NFIX: variants seen among roughly 807,000 people sequenced by gnomAD.
NFIX encodes the protein nuclear factor 1 X-type.
Under a neutral mutation model 53.3 loss-of-function variants are expected in NFIX, and 2 were observed. That is an observed-to-expected ratio of 0.04 (90% CI 0.02 to 0.12). NFIX has a LOEUF of 0.12. Among genes scored for constraint, NFIX ranks in the 10% least tolerant of loss-of-function variants. NFIX has a pLI of 1.00. For synonymous variants in NFIX, 244 were observed against 289.0 expected (o/e 0.84, Z 1.58); for missense variants, 310 against 674.5 (o/e 0.46, Z 5.99).
chr19:13,030,050 C>T (rs529162151), intron 2 of NFIX, among the ~76,000 whole-genome samples: 6 of 152,298 alleles, frequency 3.9e-5, no homozygotes, highest in African/African-American at 1.4e-4. Flanking sequence ...CCAGGTCCAC[C>T]CCCACCATGG....
At chr19:13,032,874 C>T (rs115116299) in intron 2 of NFIX, among the ~76,000 whole-genome samples, 4,256 of 152,212 alleles carry the variant, frequency 0.028, 70 homozygotes, top group Middle Eastern at 0.082. Flanking sequence ...CATGTGGGCA[C>T]GTCCCTATAT....
rs2012477212 is a variant in NFIX, at chr19:13,013,319, G to A, written c.28-11702G>A. Among the ~76,000 whole-genome samples the A allele has an allele frequency of 6.6e-6, 1 of 152,164 alleles. No homozygotes were observed. The highest frequency in any genetic ancestry group is 2.1e-4 in the South Asian group (1 of 4,818). ...CTGGCGTCGGGCTGAAGTCCCCCGA[G>A]CCACCCCTGGAGCCAGAGCAGCCCC... On this transcript the variant is annotated intron_variant, in intron 1 of 10. Transcript: ENST00000592199. The surrounding 1 kb of genome is among the most constrained non-coding windows in gnomAD (Gnocchi z 5.9).
intron 10 of NFIX, among the ~76,000 whole-genome samples, chr19:13,092,236 A>G (rs1355502293): frequency 6.6e-6 from 1 of 152,178 alleles, no homozygotes; most frequent in Non-Finnish European, 1.5e-5. Context: ...GAATTTTAGC[A>G]ATTTTGTCAT....
chr19:13,057,734 T>C (rs1568300857), intron 2 of NFIX, among the ~76,000 whole-genome samples: 2 of 152,116 alleles, frequency 1.3e-5, no homozygotes. Flanking sequence ...TGAGGTCTGG[T>C]TGTGGTGGGC....
rs2018389800 is a variant in NFIX, at chr19:13,095,483, C to T, written c.*834C>T. The T allele has an allele frequency of 6.6e-6, 1 of 152,470 alleles. No homozygotes were observed. Among genetic ancestry groups the T allele is most frequent in the East Asian group, 1.9e-4 (1 of 5,182 alleles). The allele number at this position is 152,470 out of a possible 1,614,324, so 9.4% of individuals were successfully genotyped here. A position where few individuals can be genotyped will look rare whatever the true frequency, so the allele number is the denominator to read the frequency against. ...CCAGCCTGGGACAGGCCCCCTTTCC[C>T]CTCTCTCTGCAGGCCAGGAGGGCCT... On this transcript the variant is annotated 3_prime_UTR_variant, in exon 11 of 11. Coordinates refer to ENST00000592199, the MANE Select transcript of NFIX (RefSeq NM_001365902.3).
intron 2 of NFIX, among the ~76,000 whole-genome samples, chr19:13,058,721 A>G (rs2015869291): frequency 6.6e-6 from 1 of 152,164 alleles, no homozygotes; most frequent in East Asian, 1.9e-4. Context: ...CAGAAAAGAA[A>G]AAAAGCTCAG....
At chr19:13,026,554 T>C (rs2013368203) in intron 2 of NFIX, among the ~76,000 whole-genome samples, 1 of 152,214 alleles carries the variant, frequency 6.6e-6, no homozygotes, top group Non-Finnish European at 1.5e-5. Flanking sequence ...CCGCTTTTGT[T>C]TTCTTACAAA....
rs930957430 is a variant in NFIX at position 13,006,801 on chromosome 19, C to T, written c.27+10937C>T. 3.3e-5 allele frequency among the ~76,000 whole-genome samples: 5 copies of T among 152,216 alleles called. No homozygotes were observed. Among genetic ancestry groups the T allele is most frequent in the South Asian group, 2.1e-4 (1 of 4,836 alleles). On this transcript the variant is annotated intron_variant, in intron 1 of 10. Coordinates refer to ENST00000592199, the MANE Select transcript of NFIX (RefSeq NM_001365902.3). This position sits in a 1 kb window ranked among gnomAD's most constrained non-coding sequence, Gnocchi z 5.6. ...TTGAGAGCTCTGGGCTGGGGCCCGG[C>T]GGGGTCGGCACTGCAGGCTGGCAAC...
In NFIX at chr19:12,996,782, C is replaced by G. The variant is rs73507327; in HGVS notation, c.27+918C>G. On this transcript the variant is annotated intron_variant, in intron 1 of 10. Transcript: ENST00000592199. This position sits in a 1 kb window ranked among gnomAD's most constrained non-coding sequence, Gnocchi z 5.2. ...CGGGTCAGCCTCGGGCACAACAGCG[C>G]CGACCTTGGCGCGTTGCTAGAGCGC... Among the ~76,000 whole-genome samples the G allele has an allele frequency of 0.01, 1,559 of 152,380 alleles. 21 individuals carry two copies. The highest frequency in any genetic ancestry group is 0.035 in the African/African-American group (1,474 of 41,590).
rs1172661911 is a variant in NFIX, at chr19:13,040,594, T to C, written c.559+15042T>C. ...CTTGTATGGACAGACTCATGGCTGC[T>C]ATTCCTGCCCTCCATCTCCTGGAGA... On this transcript the variant is annotated intron_variant, in intron 2 of 10. Coordinates refer to ENST00000592199, the MANE Select transcript of NFIX (RefSeq NM_001365902.3). This position sits in a 1 kb window ranked among gnomAD's most constrained non-coding sequence, Gnocchi z 4.2. Among the ~76,000 whole-genome samples, 1 of 152,190 alleles carries C rather than the reference T, an allele frequency of 6.6e-6. No individual in the cohort carries two copies. The highest frequency in any genetic ancestry group is 2.4e-5 in the African/African-American group (1 of 41,454).
At chr19:13,008,655 G>C (rs2012157451) in intron 1 of NFIX, among the ~76,000 whole-genome samples, 1 of 152,128 alleles carries the variant, frequency 6.6e-6, no homozygotes. Context: ...TGGAGCTCAG[G>C]GAAAACGTGG....
chr19:13,098,433 CA>C lies in NFIX; in HGVS notation c.*3785del, dbSNP rs1164895610. On this transcript the variant is annotated 3_prime_UTR_variant, in exon 11 of 11. Transcript: ENST00000592199. ...AAGTTTCTTCTTAGGCTAAGAAACG[CA>C]GTATATACGAGTATCTCTATATATA... is the stretch of plus-strand genomic sequence containing the variant. 6.6e-6 allele frequency: 1 copy of C among 152,204 alleles called. No homozygotes were observed. The highest frequency in any genetic ancestry group is 1.5e-5 in the Non-Finnish European group (1 of 68,052). The allele number at this position is 152,204 out of a possible 1,614,324, so 9.4% of individuals were successfully genotyped here. A position where few individuals can be genotyped will look rare whatever the true frequency, so the allele number is the denominator to read the frequency against.
chr19:13,054,056 C>T (rs1379990929), intron 2 of NFIX, among the ~76,000 whole-genome samples: 1 of 152,228 alleles, frequency 6.6e-6, no homozygotes, highest in African/African-American at 2.4e-5. Flanking sequence ...AGCTCCTCCC[C>T]CACCCAGCCT....
At chr19:13,023,564 G>A (rs2013084969) in intron 1 of NFIX, among the ~76,000 whole-genome samples, 1 of 151,630 alleles carries the variant, frequency 6.6e-6, no homozygotes, top group Non-Finnish European at 1.5e-5. Flanking sequence ...GGTGGGGTGG[G>A]GTGCGTTGTT....
chr19:13,087,097 A>G (rs1050457848), intron 8 of NFIX, among the ~76,000 whole-genome samples: 6 of 152,174 alleles, frequency 3.9e-5, no homozygotes, highest in African/African-American at 1.4e-4. Flanking sequence ...TGTGTGCCCA[A>G]ACCTCCAGGG....
At chr19:12,999,958 G>A (rs1405446219) in intron 1 of NFIX, among the ~76,000 whole-genome samples, 1 of 152,214 alleles carries the variant, frequency 6.6e-6, no homozygotes, top group African/African-American at 2.4e-5. Context: ...GGATGGGGTA[G>A]CTCATGAGAT....
rs1234789323 is a variant in NFIX, at chr19:13,001,640, CA to C, written c.27+5778del. Among the ~76,000 whole-genome samples the C allele has an allele frequency of 6.6e-6, 1 of 152,152 alleles. No homozygotes were observed. The highest frequency in any genetic ancestry group is 2.4e-5 in the African/African-American group (1 of 41,430). On this transcript the variant is annotated intron_variant, in intron 1 of 10. Transcript: ENST00000592199. The surrounding 1 kb of genome is among the most constrained non-coding windows in gnomAD (Gnocchi z 6.5). ...CACACACGTGTTGGCCTGTCCGTGT[CA>C]ACTTGTGTCCACATACGTGTCAACG...
At chr19:13,057,719 T>C (rs1208339132) in intron 2 of NFIX, among the ~76,000 whole-genome samples, 1 of 152,142 alleles carries the variant, frequency 6.6e-6, no homozygotes, top group East Asian at 1.9e-4. Context: ...CCTGAGTGTG[T>C]ACACTGAGGT....
intron 2 of NFIX, among the ~76,000 whole-genome samples, chr19:13,056,032 G>A (rs1443191276): frequency 6.6e-6 from 1 of 152,192 alleles, no homozygotes; most frequent in Admixed American, 6.5e-5. Flanking sequence ...GGAGGGGAGT[G>A]AGGGCTGAAA....
Sources: allele counts gnomAD v4.1 joint callset (sites outside exome capture counted in the v4.1 genomes callset), GRCh38; gene constraint gnomAD v4.1.1; non-coding constraint Gnocchi (gnomAD v3.1); transcripts MANE v1.5; gene names NCBI Gene and HGNC (gene_info 2026-07-23, HGNC 2026-07-21).